Variants in GPR137B observed in about 807,000 individuals in gnomAD.
GPR137B encodes G protein-coupled receptor 137B.
GPR137B carries 42 observed loss-of-function variants against 42.5 expected under a neutral mutation model. That is an observed-to-expected ratio of 0.99 (90% CI 0.77 to 1.28). The LOEUF (loss-of-function observed/expected upper bound fraction) is 1.28. Ranked by LOEUF, GPR137B falls within the 50% of genes most tolerant of loss-of-function variation. GPR137B has a pLI of 0.00. For synonymous variants in GPR137B, 218 were observed against 209.7 expected (o/e 1.04, Z -0.34); for missense variants, 487 against 493.9 (o/e 0.99, Z 0.13).
intron 5 of GPR137B, among the ~76,000 whole-genome samples, chr1:236,184,415 T>A (rs966552277): frequency 6.6e-6 from 1 of 152,200 alleles, no homozygotes; most frequent in East Asian, 1.9e-4. Context: ...CAACCAACTT[T>A]ATATGAATGT....
intron 5 of GPR137B, among the ~76,000 whole-genome samples, chr1:236,190,238 A>G (rs564905661): frequency 6.9e-6 from 1 of 144,872 alleles, no homozygotes; most frequent in Non-Finnish European, 1.5e-5. Context: ...TTCACGTGAG[A>G]TGGGTCTCCT....
chr1:236,166,113 T>G (rs1662344933), intron 1 of GPR137B, among the ~76,000 whole-genome samples: 1 of 152,224 alleles, frequency 6.6e-6, no homozygotes, highest in South Asian at 2.1e-4. Flanking sequence ...TAAAAAATTC[T>G]GTAGTTTCTT....
chr1:236,158,277 T>A (rs116079309), intron 1 of GPR137B, among the ~76,000 whole-genome samples: 1,721 of 152,156 alleles, frequency 0.011, 37 homozygotes, highest in East Asian at 0.11. Flanking sequence ...ATACAAAGAT[T>A]TGCCGGGTGT....
chr1:236,170,931 A>G lies in GPR137B; in HGVS notation c.464+2176A>G, dbSNP rs1055995303. 1.2e-4 allele frequency among the ~76,000 whole-genome samples: 18 copies of G among 150,768 alleles called. No homozygotes were observed. In the East Asian group the frequency reaches 1.4e-3, roughly 12 times the overall value. ...GTGGAGATTGCAGTGTGTGGAGATC[A>G]TGCCACTGCACTCCAGCCTGGGCAA... On this transcript the variant is annotated intron_variant, in intron 2 of 6. Transcript: ENST00000366592.
rs971308916 is a variant in GPR137B at position 236,168,586 on chromosome 1, A to G, written c.415-120A>G. The G allele has an allele frequency of 1.4e-5, 10 of 738,280 alleles. No individual in the cohort carries two copies. In the Admixed American group the frequency reaches 1.4e-4, roughly 10 times the overall value. 45.7% of individuals were successfully genotyped at this position (738,280 alleles called of 1,614,324 possible). Reference sequence around the variant, plus strand: ...TGGCATAACAAACGTGGACATTTCAATTATAAAAAACGTGCCCAGCGCTGG... The same window carrying G: ...TGGCATAACAAACGTGGACATTTCAGTTATAAAAAACGTGCCCAGCGCTGG... On this transcript the variant is annotated intron_variant, in intron 1 of 6. Coordinates refer to ENST00000366592, the MANE Select transcript of GPR137B (RefSeq NM_003272.4).
intron 4 of GPR137B, 120 bp downstream of exon 4, chr1:236,180,148 G>A (rs1662826237): frequency 2.6e-6 from 2 of 756,890 alleles, no homozygotes; most frequent in South Asian, 3.0e-5. Flanking sequence ...ATATAAAATG[G>A]TGTAGTATCT....
At chr1:236,178,377 G>A in intron 2 of GPR137B, 37 bp from the exon 3 acceptor site, 2 of 1,217,520 alleles carry the variant, frequency 1.6e-6, no homozygotes, top group Non-Finnish European at 2.4e-6. Context: ...GACTGACCTG[G>A]GATGTGCAGC....
chr1:236,178,834 G>T (rs1662781825), intron 3 of GPR137B, among the ~76,000 whole-genome samples, 198 bp downstream of exon 3: 1 of 60,316 alleles, frequency 1.7e-5, no homozygotes, highest in African/African-American at 4.6e-5. Flanking sequence ...GTCTCACTCT[G>T]TCTCCCAGGC....
chr1:236,158,426 G>GAAAC (rs1288905230), intron 1 of GPR137B, among the ~76,000 whole-genome samples: 3 of 152,310 alleles, frequency 2.0e-5, no homozygotes, highest in Admixed American at 1.3e-4. Flanking sequence ...CTCTGTCTCA[G>GAAAC]AAACAAACAA....
chr1:236,147,040 C>T (rs978525768), intron 1 of GPR137B, among the ~76,000 whole-genome samples: 1 of 152,222 alleles, frequency 6.6e-6, no homozygotes, highest in Non-Finnish European at 1.5e-5. Flanking sequence ...AACTCCTGAC[C>T]TCAGGTGATC....
chr1:236,206,869 G>C (rs1663677849), intron 6 of GPR137B, among the ~76,000 whole-genome samples: 1 of 152,110 alleles, frequency 6.6e-6, no homozygotes. Flanking sequence ...GGCTGACATA[G>C]TGCCTGCCAA....
intron 4 of GPR137B, among the ~76,000 whole-genome samples, chr1:236,183,066 C>T (rs145171058): frequency 4.6e-4 from 70 of 152,256 alleles, no homozygotes; most frequent in Middle Eastern, 3.4e-3. Flanking sequence ...TGGGCCTTTA[C>T]GATTGCCCAA....
chr1:236,163,796 T>A (rs1425809374), intron 1 of GPR137B, among the ~76,000 whole-genome samples: 1 of 152,196 alleles, frequency 6.6e-6, no homozygotes, highest in Non-Finnish European at 1.5e-5. Flanking sequence ...GTCTCAGATA[T>A]GTCTTCATCA....
At chr1:236,186,230 TATATA>T (rs1663015531) in intron 5 of GPR137B, among the ~76,000 whole-genome samples, 1 of 54,386 alleles carries the variant, frequency 1.8e-5, no homozygotes, top group Non-Finnish European at 4.5e-5. Flanking sequence ...TATAATATAA[TATATA>T]ATAATATAAA....
chr1:236,160,487 T>C (rs1662155651), intron 1 of GPR137B, among the ~76,000 whole-genome samples: 1 of 152,042 alleles, frequency 6.6e-6, no homozygotes, highest in South Asian at 2.1e-4. Flanking sequence ...CCCTCCACCC[T>C]TCCCTGCCTC....
At chr1:236,160,456 C>G (rs543460851) in intron 1 of GPR137B, among the ~76,000 whole-genome samples, 1 of 152,090 alleles carries the variant, frequency 6.6e-6, no homozygotes, top group Non-Finnish European at 1.5e-5. Context: ...CAGACCCCTC[C>G]TTGCTGCCTC....
chr1:236,181,381 A>G (rs1041223916), intron 4 of GPR137B, among the ~76,000 whole-genome samples: 1 of 152,000 alleles, frequency 6.6e-6, no homozygotes, highest in African/African-American at 2.4e-5. Context: ...AGTGCCAGGG[A>G]TACAAAACCG....
intron 5 of GPR137B, among the ~76,000 whole-genome samples, chr1:236,186,255 ATATATATTATATAT>A (rs372058989): frequency 9.5e-5 from 2 of 21,086 alleles, no homozygotes; most frequent in African/African-American, 2.6e-4. Context: ...ATAATATATA[ATATATATTATATAT>A]TATATATAAT....
At chr1:236,202,350 G>C (rs547075601) in intron 5 of GPR137B, among the ~76,000 whole-genome samples, 21 of 152,224 alleles carry the variant, frequency 1.4e-4, no homozygotes, top group South Asian at 6.2e-4. Context: ...ATGAGTTGCT[G>C]TAATGTCCTG....
Sources: gnomAD v4.1 joint callset for allele counts (sites outside exome capture counted in the v4.1 genomes callset) on GRCh38, gnomAD v4.1.1 for gene constraint, MANE v1.5 for transcripts, NCBI Gene and HGNC (gene_info 2026-07-23, HGNC 2026-07-21) for gene names.